Variants in NUMBL observed in about 807,000 individuals in gnomAD.
NUMBL encodes the protein NUMB like endocytic adaptor protein.
NUMBL carries 20 observed loss-of-function variants against 48.9 expected under a neutral mutation model. The observed-to-expected ratio is 0.41, with a 90% CI of 0.29 to 0.59. The LOEUF (loss-of-function observed/expected upper bound fraction) is 0.59, where lower values mean the gene tolerates loss of function less well. Ranked by LOEUF, NUMBL falls within the 20% of genes least tolerant of loss-of-function variation. NUMBL has a pLI of 0.31. For missense variants in NUMBL, 660 were observed against 846.2 expected (o/e 0.78, Z 2.73); for synonymous variants, 340 against 348.7 (o/e 0.98, Z 0.28).
chr19:40,686,682 C>T (rs1418103668), intron 2 of NUMBL, among the ~76,000 whole-genome samples: 8 of 126,512 alleles, frequency 6.3e-5, no homozygotes, highest in Admixed American at 3.1e-4. Context: ...TGTCTCTAAC[C>T]GTATATCTAC....
At chr19:40,684,806 C>A (rs1417513351) in intron 2 of NUMBL, 9 of 425,224 alleles carry the variant, frequency 2.1e-5, no homozygotes, top group Admixed American at 1.3e-4. Context: ...GGCTAAGGGG[C>A]TGGAGGTCTG....
At chr19:40,677,076 A>T (rs2081880153) in intron 7 of NUMBL, among the ~76,000 whole-genome samples, 156 bp downstream of exon 7, 1 of 152,190 alleles carries the variant, frequency 6.6e-6, no homozygotes, top group Admixed American at 6.5e-5. Flanking sequence ...GGCCTCTCAA[A>T]GTGCTGGGAT....
At chr19:40,686,779 G>A (rs939042871) in intron 2 of NUMBL, 132 bp downstream of exon 2, 6 of 648,516 alleles carry the variant, frequency 9.3e-6, no homozygotes, top group African/African-American at 7.3e-5. Context: ...GACAGTCGCT[G>A]AGGAAGATGC....
rs1246009167 is a variant in NUMBL at position 40,687,636 on chromosome 19, T to C, written c.25-641A>G. Among the ~76,000 whole-genome samples the C allele has an allele frequency of 3.9e-5, 6 of 152,132 alleles. No individual in the cohort carries two copies. The highest frequency in any genetic ancestry group is 8.8e-5 in the Non-Finnish European group (6 of 68,028). On this transcript the variant is annotated intron_variant, in intron 1 of 9. Coordinates refer to ENST00000252891, the MANE Select transcript of NUMBL (RefSeq NM_004756.5). The surrounding 1 kb of genome is among the most constrained non-coding windows in gnomAD (Gnocchi z 4.6). ...CCAGACAACCCACTAGAGCCGCACATGCGTGGCCACACCCAGTGACAGCTA... is the reference window on the plus strand; with the variant it reads ...CCAGACAACCCACTAGAGCCGCACACGCGTGGCCACACCCAGTGACAGCTA...
intron 9 of NUMBL, among the ~76,000 whole-genome samples, chr19:40,668,378 A>G (rs1367280957): frequency 6.6e-6 from 1 of 152,306 alleles, no homozygotes; most frequent in East Asian, 1.9e-4. Flanking sequence ...CTAAGGCCCT[A>G]TGATGAGAAA....
At chr19:40,669,826 G>A (rs2081836687) in intron 9 of NUMBL, 72 bp downstream of exon 9, 1 of 1,561,236 alleles carries the variant, frequency 6.4e-7, no homozygotes, top group Non-Finnish European at 8.7e-7. Context: ...GAGTGTCTGG[G>A]TAGCCCTGGA....
At chr19:40,677,055 C>A (rs1411471241) in intron 7 of NUMBL, among the ~76,000 whole-genome samples, 177 bp downstream of exon 7, 1 of 152,176 alleles carries the variant, frequency 6.6e-6, no homozygotes, top group Non-Finnish European at 1.5e-5. Context: ...CTCAAGCGAT[C>A]CGCCCATCTC....
At position 40,686,772 on chromosome 19, in the gene NUMBL, AG is replaced by A. The variant is rs565931859; in HGVS notation, c.109+138del. On this transcript the variant is annotated intron_variant, in intron 2 of 9. Coordinates refer to ENST00000252891, the MANE Select transcript of NUMBL (RefSeq NM_004756.5). ...GTCTGTGCATGAGTGGGGCTCTGAC[AG>A]TCGCTGAGGAAGATGCCTGAGGGTG... 353 of 634,210 alleles carry A rather than the reference AG, an allele frequency of 5.6e-4. No homozygotes were observed. In the African/African-American group the frequency reaches 6.1e-3, roughly 11 times the overall value. 39.3% of individuals were successfully genotyped at this position (634,210 alleles called of 1,614,324 possible). A position where few individuals can be genotyped will look rare whatever the true frequency, so the allele number is the denominator to read the frequency against.
intron 3 of NUMBL, among the ~76,000 whole-genome samples, chr19:40,683,389 G>C (rs1365418326): frequency 6.6e-6 from 1 of 152,224 alleles, no homozygotes; most frequent in Admixed American, 6.5e-5. Context: ...TCTGCAGGTG[G>C]GATGACTGTT....
rs538430928 is a variant in NUMBL, at chr19:40,666,653, A to G, written c.*815T>C. ...GGAGGAAAGGTTCTAGGGCCTCACC[A>G]GCGCCCTACACACACCCTCGTTTCC... On this transcript the variant is annotated 3_prime_UTR_variant, in exon 10 of 10. Transcript: ENST00000252891. 1 of 152,256 alleles carries G rather than the reference A, an allele frequency of 6.6e-6. No homozygotes were observed. The highest frequency in any genetic ancestry group is 1.5e-5 in the Non-Finnish European group (1 of 67,920). 9.4% of individuals were successfully genotyped at this position (152,256 alleles called of 1,614,324 possible).
intron 6 of NUMBL, among the ~76,000 whole-genome samples, 178 bp from the exon 7 acceptor site, chr19:40,677,599 A>G (rs2081884179): frequency 1.3e-5 from 2 of 152,212 alleles, no homozygotes; most frequent in Admixed American, 6.5e-5. Context: ...TCCAAGTGAG[A>G]GAAGCCAGAA....
chr19:40,674,059 G>T (rs1054788471), intron 7 of NUMBL, among the ~76,000 whole-genome samples: 1 of 152,144 alleles, frequency 6.6e-6, no homozygotes, highest in Non-Finnish European at 1.5e-5. Flanking sequence ...TACCCATGGG[G>T]TTGATATGAT....
In NUMBL at chr19:40,682,204, G is replaced by A. The variant is rs1014252748; in HGVS notation, c.399+524C>T. Among the ~76,000 whole-genome samples, 4 of 151,892 alleles carry A rather than the reference G, an allele frequency of 2.6e-5. No individual in the cohort carries two copies. The highest frequency in any genetic ancestry group is 2.0e-4 in the Admixed American group (3 of 15,218). ...TGCAATGGCATGATCTCCGCTCACC[G>A]CAACCTCCAAGTCTCGGGTTCAAGA... On this transcript the variant is annotated intron_variant, in intron 5 of 9. Transcript: ENST00000252891. The surrounding 1 kb of genome is among the most constrained non-coding windows in gnomAD (Gnocchi z 4.0).
intron 8 of NUMBL, among the ~76,000 whole-genome samples, chr19:40,670,975 A>G (rs2081844586): frequency 6.6e-6 from 1 of 152,038 alleles, no homozygotes; most frequent in Non-Finnish European, 1.5e-5. Flanking sequence ...TTTTTTAAAA[A>G]TATTTATTTA....
rs774749633 is a variant in NUMBL, at chr19:40,681,045, C to T, written c.412G>A (p.Asp138Asn). 1 of 1,614,090 alleles carries T rather than the reference C, an allele frequency of 6.2e-7. No individual in the cohort carries two copies. Among genetic ancestry groups the T allele is most frequent in the Non-Finnish European group, 8.5e-7 (1 of 1,179,984 alleles). Reference protein sequence around the residue: ...VDDKTKDLLVDQTIEKVSFCA... With the variant: ...VDDKTKDLLVNQTIEKVSFCA... Reference sequence around the variant, plus strand: ...AAGGAGACCTTTTCGATGGTCTGGTCGACCAGAAGATCCTAGGAGGGGCCG... The same window carrying T: ...AAGGAGACCTTTTCGATGGTCTGGTTGACCAGAAGATCCTAGGAGGGGCCG... Residue 138 changes from aspartate (D) to asparagine (N), a missense_variant, in exon 6 of 10, where the codon GAC becomes AAC. Asp to Asn is a conservative substitution (Grantham distance 23). Around this residue, in one of 3 missense-constraint regions of NUMBL, gnomAD observed 278 missense variants for 420.6 expected, o/e 0.66. Coordinates refer to ENST00000252891, the MANE Select transcript of NUMBL (RefSeq NM_004756.5).
In NUMBL at chr19:40,673,271, G is replaced by A. The variant is rs1039243351; in HGVS notation, c.1036+73C>T. 9 of 1,417,310 alleles carry A rather than the reference G, an allele frequency of 6.4e-6. No homozygotes were observed. The highest frequency in any genetic ancestry group is 7.6e-6 in the Non-Finnish European group (8 of 1,052,420). 87.8% of individuals were successfully genotyped at this position (1,417,310 alleles called of 1,614,324 possible). A position where few individuals can be genotyped will look rare whatever the true frequency, so the allele number is the denominator to read the frequency against. On this transcript the variant is annotated intron_variant, in intron 8 of 9. Transcript: ENST00000252891. The surrounding 1 kb of genome is among the most constrained non-coding windows in gnomAD (Gnocchi z 5.9). ...AATCAATCACAGTGTGAACCATCTCGCCTCCATCCCTTGCCCACATCAGAT... is the reference window on the plus strand; with the variant it reads ...AATCAATCACAGTGTGAACCATCTCACCTCCATCCCTTGCCCACATCAGAT...
chr19:40,668,170 G>A (rs1196309321), intron 9 of NUMBL, 32 bp from the exon 10 acceptor site: 1 of 1,549,194 alleles, frequency 6.5e-7, no homozygotes, highest in Non-Finnish European at 8.7e-7. Flanking sequence ...GTGAGGGAGG[G>A]GGCAACGGCT....
chr19:40,686,782 G>A, intron 2 of NUMBL, 129 bp downstream of exon 2: 4 of 653,036 alleles, frequency 6.1e-6, no homozygotes, highest in Non-Finnish European at 5.5e-6. Flanking sequence ...AGTCGCTGAG[G>A]AAGATGCCTG....
Position 40,667,976 on chromosome 19 carries a change from TGCTGC to T in NUMBL, c.1317_1321del (p.Gln440AlafsTer30). On this transcript the variant is annotated frameshift_variant, in exon 10 of 10. Coordinates refer to ENST00000252891, the MANE Select transcript of NUMBL (RefSeq NM_004756.5). LOFTEE classifies it low-confidence loss of function (END_TRUNC). This position sits in a 1 kb window ranked among gnomAD's most constrained non-coding sequence, Gnocchi z 6.1. ...TGAGGCTGCTTGCTGCTGTTGCTGC[TGCTGC>T]TGCTGCTGCTGTTGCTGTTGCTGCT... 1 of 1,484,988 alleles carries T rather than the reference TGCTGC, an allele frequency of 6.7e-7. No homozygotes were observed. Among genetic ancestry groups the T allele is most frequent in the Non-Finnish European group, 8.9e-7 (1 of 1,126,188 alleles). 92.0% of individuals were successfully genotyped at this position (1,484,988 alleles called of 1,614,324 possible).
Sources: allele counts gnomAD v4.1 joint callset (sites outside exome capture counted in the v4.1 genomes callset), GRCh38; gene constraint gnomAD v4.1.1; regional missense constraint gnomAD v4.1.1; non-coding constraint Gnocchi (gnomAD v3.1); transcripts MANE v1.5; gene names NCBI Gene and HGNC (gene_info 2026-07-23, HGNC 2026-07-21).